The following KRI1 variants were observed in gnomAD, a reference collection of about 807,000 sequenced individuals.
KRI1 encodes protein KRI1 homolog.
Under a neutral mutation model 97.0 loss-of-function variants are expected in KRI1, and 83 were observed. The observed-to-expected ratio is 0.86, with a 90% CI of 0.72 to 1.03. The LOEUF (loss-of-function observed/expected upper bound fraction) is 1.03. KRI1 is among the 50% of genes least tolerant of loss of function. The probability of loss-of-function intolerance (pLI) is 0.00; values close to 1 mark genes in which losing one functional copy is unlikely to be tolerated. For missense variants in KRI1, 916 were observed against 928.4 expected (o/e 0.99, Z 0.17); for synonymous variants, 371 against 363.5 (o/e 1.02, Z -0.23).
In KRI1 at chr19:10,559,394, C is replaced by T. The variant is rs138762789; in HGVS notation, c.1159G>A (p.Asp387Asn). The T allele has an allele frequency of 1.5e-5, 24 of 1,613,920 alleles. No homozygotes were observed. The highest frequency in any genetic ancestry group is 1.6e-4 in the Middle Eastern group (1 of 6,084). ...LGLEEGDLED[D>N]FDPAQHDQLM... is the part of the protein sequence containing the mutation. ...TGGTCGTGCTGGGCAGGGTCGAAGT[C>T]GTCTTCAAGGTCCCCCTCCTCGAGG... Residue 387 changes from aspartate to asparagine, a missense_variant, in exon 12 of 19, where the codon GAC (aspartate) becomes AAC (asparagine). Asp to Asn is a conservative substitution (Grantham distance 23). This residue lies in a region of KRI1 where 672 missense variants were observed against 667.2 expected (regional missense o/e 1.01). Transcript: ENST00000312962.
At position 10,553,999 on chromosome 19, in the gene KRI1, C is replaced by A. The variant is rs1387593085; in HGVS notation, c.2064G>T (p.Gln688His). The A allele has an allele frequency of 6.2e-7, 1 of 1,612,666 alleles. No individual in the cohort carries two copies. The highest frequency in any genetic ancestry group is 8.5e-7 in the Non-Finnish European group (1 of 1,179,164). The change falls in exon 19 of 19, where the codon CAG (glutamine) becomes CAT (histidine). Residue 688 changes from glutamine (Q) to histidine (H), a missense_variant. Coordinates refer to ENST00000312962, the MANE Select transcript of KRI1 (RefSeq NM_023008.5). ...GLNPKRLHFR[Q>H]LGRQRRKQQG... ...GTTGTTTCCTCCGCTGCCGGCCCAG[C>A]TGGCGGAAGTGCAGCCGTTTGGGGT...
intron 12 of KRI1, among the ~76,000 whole-genome samples, chr19:10,558,575 T>A (rs1362709409): frequency 6.6e-6 from 1 of 151,674 alleles, no homozygotes; most frequent in Non-Finnish European, 1.5e-5. Flanking sequence ...AGAATTTCGC[T>A]CTTGTTGCCC....
chr19:10,565,812 C>T (rs1916851917), intron 1 of KRI1, 22 bp from the exon 2 acceptor site: 2 of 1,276,478 alleles, frequency 1.6e-6, no homozygotes, highest in Admixed American at 2.5e-5. Context: ...AGACGGGATG[C>T]CCCCCCCCAG....
At chr19:10,559,754 G>C (rs1916633120) in intron 10 of KRI1, 46 bp from the exon 11 acceptor site, 1 of 1,613,912 alleles carries the variant, frequency 6.2e-7, no homozygotes, top group Admixed American at 1.7e-5. Context: ...AGATGATGTG[G>C]GGTTCCCTGG....
rs779554547 is a variant in KRI1, at chr19:10,559,844, T to C, written c.893A>G (p.Tyr298Cys). Residue 298 changes from tyrosine (Y) to cysteine (C), a missense_variant, in exon 10 of 19, where the codon TAC (tyrosine) becomes TGC (cysteine). By Grantham distance (194) the Tyr-to-Cys change is radical. Around this residue, in one of 3 missense-constraint regions of KRI1, gnomAD observed 672 missense variants for 667.2 expected, o/e 1.01. Coordinates refer to ENST00000312962, the MANE Select transcript of KRI1 (RefSeq NM_023008.5). ...LKKQEDFEQK[Y>C]NFRFEEPDSA... ...GTCCGGCTCCTCGAAACGGAAATTG[T>C]ACTTCTGTTCAAAGTCCTCCTGTTT... 1.2e-5 allele frequency: 19 copies of C among 1,613,808 alleles called. No individual in the cohort carries two copies. The African/African-American group carries it at 1.5e-4, about 12-fold the overall frequency.
intron 16 of KRI1, 21 bp from the exon 17 acceptor site, chr19:10,555,370 G>C: frequency 6.2e-7 from 1 of 1,613,850 alleles, no homozygotes; most frequent in African/African-American, 1.3e-5. Flanking sequence ...AGGGAGAGTG[G>C]GGACCTGCTG....
rs1265683235 is a variant in KRI1 at position 10,559,521 on chromosome 19, T to C, written c.1032A>G (p.Ala344=). ...GCTGCTTGAGCTCTTCCTGCTTCTT[T>C]GCTTTCTCCTGCAGGCCCAGGCAGA... ...ETRERKKREK[A]KKQEELKQLK... Residue 344 remains alanine, a synonymous_variant, in exon 12 of 19, where the codon GCA becomes GCG. Transcript: ENST00000312962. 1.9e-6 allele frequency: 3 copies of C among 1,613,892 alleles called. No individual in the cohort carries two copies. Among genetic ancestry groups the C allele is most frequent in the East Asian group, 2.2e-5 (1 of 44,874 alleles).
intron 16 of KRI1, among the ~76,000 whole-genome samples, chr19:10,556,342 G>A (rs1568421080): frequency 6.7e-6 from 1 of 150,078 alleles, no homozygotes; most frequent in Non-Finnish European, 1.5e-5. Flanking sequence ...AGTCTTACCA[G>A]CCAGACTGCT....
At chr19:10,556,726 C>T (rs1229938796) in intron 16 of KRI1, among the ~76,000 whole-genome samples, 1 of 152,030 alleles carries the variant, frequency 6.6e-6, no homozygotes, top group Non-Finnish European at 1.5e-5. Context: ...TGTGGTGGCT[C>T]ACACGCAGAA....
At chr19:10,562,927 A>C in intron 3 of KRI1, 90 bp from the exon 4 acceptor site, 3 of 785,608 alleles carry the variant, frequency 3.8e-6, no homozygotes, top group Non-Finnish European at 6.7e-6. Context: ...AGGGTTAGAC[A>C]GAGGATTCAA....
intron 1 of KRI1, 31 bp from the exon 2 acceptor site, chr19:10,565,821 A>AG (rs1916855643): frequency 7.0e-7 from 1 of 1,424,296 alleles, no homozygotes; most frequent in South Asian, 1.3e-5. Flanking sequence ...GCCCCCCCCC[A>AG]GGTCAGCCGG....
In KRI1 at chr19:10,560,911, A is replaced by T. The variant is rs1411140243; in HGVS notation, c.663+92T>A. On this transcript the variant is annotated intron_variant, in intron 8 of 18. Coordinates refer to ENST00000312962, the MANE Select transcript of KRI1 (RefSeq NM_023008.5). ...GGAGCTGAGGCCCAGAGATGTACAT[A>T]TCCCATCTTCAGAGGGTTACTTTCT... is the stretch of plus-strand genomic sequence containing the variant. 5 of 966,948 alleles carry T rather than the reference A, an allele frequency of 5.2e-6. No individual in the cohort carries two copies. The African/African-American group carries it at 8.0e-5, about 15-fold the overall frequency. The allele number at this position is 966,948 out of a possible 1,614,324, so 59.9% of individuals were successfully genotyped here. A position where few individuals can be genotyped will look rare whatever the true frequency, so the allele number is the denominator to read the frequency against.
At chr19:10,561,305 G>A in intron 6 of KRI1, 40 bp from the exon 7 acceptor site, 1 of 1,548,666 alleles carries the variant, frequency 6.5e-7, no homozygotes, top group Non-Finnish European at 8.9e-7. Context: ...CAGGCAGGCT[G>A]GCCCCTGTCT....
chr19:10,558,333 T>C, intron 12 of KRI1, 94 bp from the exon 13 acceptor site: 2 of 1,187,470 alleles, frequency 1.7e-6, no homozygotes, highest in Non-Finnish European at 1.2e-6. Context: ...CTTGGCAACT[T>C]TACTCCTACA....
At chr19:10,562,574 C>T (rs971222493) in intron 4 of KRI1, among the ~76,000 whole-genome samples, 155 bp downstream of exon 4, 1 of 151,926 alleles carries the variant, frequency 6.6e-6, no homozygotes, top group African/African-American at 2.4e-5. Context: ...CTCAAGCGAT[C>T]CTATTGCCTC....
In KRI1 at chr19:10,559,683, G is replaced by A. The variant is rs752490810; in HGVS notation, c.953C>T (p.Ala318Val). 6.2e-6 allele frequency: 10 copies of A among 1,613,880 alleles called. No homozygotes were observed. The East Asian group carries it at 6.7e-5, about 11-fold the overall frequency. The change falls in exon 11 of 19, where the codon GCG (alanine) becomes GTG (valine). Residue 318 changes from alanine to valine, a missense_variant. Physicochemically the swap from Ala to Val is moderately conservative, Grantham distance 64. Coordinates refer to ENST00000312962, the MANE Select transcript of KRI1 (RefSeq NM_023008.5). ...CTCATCCTTACGGCGCACGGAGGAC[G>A]CGATGCTGCGTGGGTAGGTCTTGAC... is the stretch of plus-strand genomic sequence containing the variant. ...ASVKTYPRSIASSVRRKDERR... is the reference protein window; with the variant it reads ...ASVKTYPRSIVSSVRRKDERR...
At position 10,557,996 on chromosome 19, in the gene KRI1, C is replaced by G; in HGVS notation, c.1335G>C (p.Leu445=). 1 of 1,614,096 alleles carries G rather than the reference C, an allele frequency of 6.2e-7. No individual in the cohort carries two copies. Among genetic ancestry groups the G allele is most frequent in the Non-Finnish European group, 8.5e-7 (1 of 1,180,012 alleles). Residue 445 remains leucine, a synonymous_variant, in exon 14 of 19, where the codon CTG becomes CTC. Coordinates refer to ENST00000312962, the MANE Select transcript of KRI1 (RefSeq NM_023008.5). ...CGTTGAAGTTGGGGTCCTCACAGTG[C>G]AGCTCCTGCTGGCTCCAGTCTCCCT... ...EQEGDWSQQE[L]HCEDPNFNMD...
At chr19:10,564,888 C>T (rs3745247) in intron 3 of KRI1, 41 bp downstream of exon 3, 187,238 of 1,297,266 alleles carry the variant, frequency 0.14, 14,260 homozygotes, top group Middle Eastern at 0.18. Context: ...CCGGATTCTG[C>T]TCCAGAGGAA....
At position 10,560,740 on chromosome 19, in the gene KRI1, A is replaced by T. The variant is rs142781927; in HGVS notation, c.663+263T>A. On this transcript the variant is annotated intron_variant, in intron 8 of 18. Coordinates refer to ENST00000312962, the MANE Select transcript of KRI1 (RefSeq NM_023008.5). ...GCCACCATGCCTGGCTAATTTTTTC[A>T]TTTTTTTGTAGAGCCATTTTGCTAT... Among the ~76,000 whole-genome samples, 883 of 151,852 alleles carry T rather than the reference A, an allele frequency of 5.8e-3. 6 individuals are homozygous for T. Among genetic ancestry groups the T allele is most frequent in the African/African-American group, 0.021 (849 of 41,398 alleles).
Sources: allele counts gnomAD v4.1 joint callset (sites outside exome capture counted in the v4.1 genomes callset), GRCh38; gene constraint gnomAD v4.1.1; regional missense constraint gnomAD v4.1.1; transcripts MANE v1.5; gene names NCBI Gene and HGNC (gene_info 2026-07-23, HGNC 2026-07-21).